RPS23: variants seen among roughly 807,000 people sequenced by gnomAD.
RPS23 encodes ribosomal protein S23.
For synonymous variants in RPS23, 66 were observed against 60.4 expected, an observed-to-expected ratio of 1.09 and a Z score of -0.43; for missense variants, 73 against 174.5, an observed-to-expected ratio of 0.42 and a Z score of 3.28.
In RPS23 at chr5:82,278,325, C is replaced by T; in HGVS notation, c.-2G>A. The T allele has an allele frequency of 1.2e-6, 2 of 1,610,336 alleles. No individual in the cohort carries two copies. The highest frequency in any genetic ancestry group is 1.7e-6 in the Non-Finnish European group (2 of 1,178,590). ...AACCGGCCACAACAGCTCACCCATC[C>T]TGTCGGCGCCACGGGCCTGAGCGAA... On this transcript the variant is annotated 5_prime_UTR_variant, in exon 1 of 4. Transcript: ENST00000296674.
Position 82,278,341 on chromosome 5 carries a change from C to A in RPS23, c.-18G>T. 1.2e-6 allele frequency: 2 copies of A among 1,608,142 alleles called. No individual in the cohort carries two copies. Among genetic ancestry groups the A allele is most frequent in the East Asian group, 2.2e-5 (1 of 44,536 alleles). ...TCACCCATCCTGTCGGCGCCACGGGCCTGAGCGAAAGAGAGAAGCACCGCA... is the reference window on the plus strand; with the variant it reads ...TCACCCATCCTGTCGGCGCCACGGGACTGAGCGAAAGAGAGAAGCACCGCA... On this transcript the variant is annotated 5_prime_UTR_variant, in exon 1 of 4. Coordinates refer to ENST00000296674, the MANE Select transcript of RPS23 (RefSeq NM_001025.5).
Position 82,275,377 on chromosome 5 carries a change from T to C in RPS23, c.*732A>G. The C allele has an allele frequency of 2.9e-6, 2 of 700,532 alleles. No homozygotes were observed. The highest frequency in any genetic ancestry group is 5.2e-6 in the Non-Finnish European group (2 of 384,012). 43.4% of individuals were successfully genotyped at this position (700,532 alleles called of 1,614,324 possible). A position where few individuals can be genotyped will look rare whatever the true frequency, so the allele number is the denominator to read the frequency against. On this transcript the variant is annotated 3_prime_UTR_variant, in exon 4 of 4. Coordinates refer to ENST00000296674, the MANE Select transcript of RPS23 (RefSeq NM_001025.5). ...TTATCAAAACACAACCAATCTTGTC[T>C]CTACACTAAACCACTTCATTTGCTG...
At position 82,275,181 on chromosome 5, in the gene RPS23, A is replaced by T. The variant is rs1016959196; in HGVS notation, c.*928T>A. On this transcript the variant is annotated 3_prime_UTR_variant, in exon 4 of 4. Transcript: ENST00000296674. ...CTAAACAATGTAAAGCTAGGCTTTG[A>T]TCAAAGGGCTAATTAACCCATACTT... 2 of 701,538 alleles carry T rather than the reference A, an allele frequency of 2.9e-6. No homozygotes were observed. The highest frequency in any genetic ancestry group is 1.7e-5 in the African/African-American group (1 of 57,212). 43.5% of individuals were successfully genotyped at this position (701,538 alleles called of 1,614,324 possible). A position where few individuals can be genotyped will look rare whatever the true frequency, so the allele number is the denominator to read the frequency against.
At chr5:82,276,563 A>G in intron 2 of RPS23, 45 bp from the exon 3 acceptor site, 1 of 1,608,772 alleles carries the variant, frequency 6.2e-7, no homozygotes, top group Non-Finnish European at 8.5e-7. Context: ...TTTCTGAAAA[A>G]GATTATCTTT....
intron 2 of RPS23, 112 bp downstream of exon 2, chr5:82,277,581 C>T (rs1747916341): frequency 9.2e-7 from 1 of 1,088,766 alleles, no homozygotes; most frequent in Non-Finnish European, 1.4e-6. Flanking sequence ...CCACAATGCC[C>T]AAATGAATAC....
chr5:82,276,087 A>G lies in RPS23; in HGVS notation c.*22T>C, dbSNP rs1747767700. The G allele has an allele frequency of 1.3e-6, 2 of 1,596,010 alleles. No individual in the cohort carries two copies. Among genetic ancestry groups the G allele is most frequent in the East Asian group, 2.2e-5 (1 of 44,782 alleles). ...TTTTGGCATATGAAAATTTATTACT[A>G]CAGTGTTTTCACCATTAATATTTAT... On this transcript the variant is annotated 3_prime_UTR_variant, in exon 4 of 4. Coordinates refer to ENST00000296674, the MANE Select transcript of RPS23 (RefSeq NM_001025.5).
chr5:82,276,662 T>C, intron 2 of RPS23, 144 bp from the exon 3 acceptor site: 7 of 961,636 alleles, frequency 7.3e-6, no homozygotes, highest in East Asian at 2.6e-5. Context: ...GATGTCAACC[T>C]AGTTTTCTGC....
At position 82,273,804 on chromosome 5, in the gene RPS23, C is replaced by A. The variant is rs755480979; in HGVS notation, c.*2305G>T. On this transcript the variant is annotated 3_prime_UTR_variant, in exon 4 of 4. Coordinates refer to ENST00000296674, the MANE Select transcript of RPS23 (RefSeq NM_001025.5). ...ACTCCTGGCCTCAAGCTATTAATTT[C>A]TTCCCAACTCAGCCTCCCAAAGTGC... 6.6e-6 allele frequency: 1 copy of A among 152,206 alleles called. No homozygotes were observed. Among genetic ancestry groups the A allele is most frequent in the Admixed American group, 6.5e-5 (1 of 15,282 alleles). The allele number at this position is 152,206 out of a possible 1,614,324, so 9.4% of individuals were successfully genotyped here. A position where few individuals can be genotyped will look rare whatever the true frequency, so the allele number is the denominator to read the frequency against.
Position 82,275,167 on chromosome 5 carries a change from A to T in RPS23, c.*942T>A. On this transcript the variant is annotated 3_prime_UTR_variant, in exon 4 of 4. Transcript: ENST00000296674. ...GTTTTCCAAAGATCCTAAACAATGT[A>T]AAGCTAGGCTTTGATCAAAGGGCTA... is the stretch of plus-strand genomic sequence containing the variant. 4.3e-6 allele frequency: 3 copies of T among 699,174 alleles called. No individual in the cohort carries two copies. The highest frequency in any genetic ancestry group is 5.4e-5 in the East Asian group (2 of 37,232). The allele number at this position is 699,174 out of a possible 1,614,324, so 43.3% of individuals were successfully genotyped here.
In RPS23 at chr5:82,275,540, AACACATTAATGTAG is replaced by A; in HGVS notation, c.*555_*568del. 1.8e-6 allele frequency: 1 copy of A among 569,552 alleles called. No individual in the cohort carries two copies. Among genetic ancestry groups the A allele is most frequent in the Admixed American group, 3.1e-5 (1 of 32,684 alleles). The allele number at this position is 569,552 out of a possible 1,614,324, so 35.3% of individuals were successfully genotyped here. A position where few individuals can be genotyped will look rare whatever the true frequency, so the allele number is the denominator to read the frequency against. On this transcript the variant is annotated 3_prime_UTR_variant, in exon 4 of 4. Coordinates refer to ENST00000296674, the MANE Select transcript of RPS23 (RefSeq NM_001025.5). Reference sequence around the variant, plus strand: ...ATGATCCAATGCCTGTATTCTCCTAAACACATTAATGTAGACACATTACAACACAGATCCTGACA... The same window carrying A: ...ATGATCCAATGCCTGTATTCTCCTAAACACATTACAACACAGATCCTGACA...
chr5:82,277,149 C>T (rs1212514174), intron 2 of RPS23, among the ~76,000 whole-genome samples: 1 of 131,856 alleles, frequency 7.6e-6, no homozygotes, highest in African/African-American at 2.9e-5. Flanking sequence ...CTACTGCACA[C>T]CAGCCTGGGT....
rs1343018668 is a variant in RPS23 at position 82,277,686 on chromosome 5, G to A, written c.164+7C>T. 6.2e-7 allele frequency: 1 copy of A among 1,613,496 alleles called. No individual in the cohort carries two copies. Among genetic ancestry groups the A allele is most frequent in the Non-Finnish European group, 8.5e-7 (1 of 1,179,676 alleles). On this transcript the variant is annotated splice_region_variant and intron_variant, in intron 2 of 3. Coordinates refer to ENST00000296674, the MANE Select transcript of RPS23 (RefSeq NM_001025.5). ...AAACTAAAACTTGACGGGAGCAATGGACTTACACTTTTTCCAGCACGATTC... is the reference window on the plus strand; with the variant it reads ...AAACTAAAACTTGACGGGAGCAATGAACTTACACTTTTTCCAGCACGATTC...
At chr5:82,278,223 A>G in intron 1 of RPS23, 97 bp downstream of exon 1, 2 of 895,154 alleles carry the variant, frequency 2.2e-6, no homozygotes, top group East Asian at 6.9e-5. Flanking sequence ...GAGCCTCTCC[A>G]TGGCATCCCC....
At position 82,274,876 on chromosome 5, in the gene RPS23, T is replaced by A. The variant is rs1405879062; in HGVS notation, c.*1233A>T. ...ATCATCATCAAGAGATAAACCGAAG[T>A]GTGCTGGAAAACACACGAGCTCTTT... is the stretch of plus-strand genomic sequence containing the variant. On this transcript the variant is annotated 3_prime_UTR_variant, in exon 4 of 4. Transcript: ENST00000296674. 7.9e-6 allele frequency: 2 copies of A among 253,340 alleles called. No individual in the cohort carries two copies. Among genetic ancestry groups the A allele is most frequent in the African/African-American group, 4.4e-5 (2 of 45,112 alleles). 15.7% of individuals were successfully genotyped at this position (253,340 alleles called of 1,614,324 possible). A position where few individuals can be genotyped will look rare whatever the true frequency, so the allele number is the denominator to read the frequency against.
In RPS23 at chr5:82,276,458, G is replaced by C; in HGVS notation, c.225C>G (p.Ile75Met). 6.2e-7 allele frequency: 1 copy of C among 1,613,942 alleles called. No individual in the cohort carries two copies. The highest frequency in any genetic ancestry group is 8.5e-7 in the Non-Finnish European group (1 of 1,179,868). Reference sequence around the variant, plus strand: ...AGGCTGTGATTTTCTTGCCATTCTTGATCAGCTGGACCCTTACACACTTCC... The same window carrying C: ...AGGCTGTGATTTTCTTGCCATTCTTCATCAGCTGGACCCTTACACACTTCC... ...AIRKCVRVQL[I>M]KNGKKITAFV... Residue 75 changes from isoleucine to methionine, a missense_variant, in exon 3 of 4, where the codon ATC (isoleucine) becomes ATG (methionine). Physicochemically the swap from Ile to Met is conservative, Grantham distance 10. Transcript: ENST00000296674.
chr5:82,275,208 CTATT>C lies in RPS23; in HGVS notation c.*897_*900del. Reference sequence around the variant, plus strand: ...CAAAGGGCTAATTAACCCATACTTACTATTTGTTAACAGGAGTTTCTTACATCAG... The same window carrying C: ...CAAAGGGCTAATTAACCCATACTTACTGTTAACAGGAGTTTCTTACATCAG... On this transcript the variant is annotated 3_prime_UTR_variant, in exon 4 of 4. Transcript: ENST00000296674. 1.4e-6 allele frequency: 1 copy of C among 702,560 alleles called. No homozygotes were observed. The highest frequency in any genetic ancestry group is 2.6e-6 in the Non-Finnish European group (1 of 384,988). The allele number at this position is 702,560 out of a possible 1,614,324, so 43.5% of individuals were successfully genotyped here. A position where few individuals can be genotyped will look rare whatever the true frequency, so the allele number is the denominator to read the frequency against.
chr5:82,273,811 A>G lies in RPS23; in HGVS notation c.*2298T>C, dbSNP rs187741890. The G allele has an allele frequency of 3.3e-5, 5 of 152,166 alleles. No homozygotes were observed. Among genetic ancestry groups the G allele is most frequent in the Admixed American group, 1.3e-4 (2 of 15,282 alleles). 9.4% of individuals were successfully genotyped at this position (152,166 alleles called of 1,614,324 possible). ...GCCTCAAGCTATTAATTTCTTCCCA[A>G]CTCAGCCTCCCAAAGTGCTGGGATT... On this transcript the variant is annotated 3_prime_UTR_variant, in exon 4 of 4. Transcript: ENST00000296674.
At chr5:82,278,221 C>A (rs1748002918) in intron 1 of RPS23, 99 bp downstream of exon 1, 2 of 1,138,952 alleles carry the variant, frequency 1.8e-6, no homozygotes, top group South Asian at 1.3e-5. Context: ...TGGAGCCTCT[C>A]CATGGCATCC....
chr5:82,276,799 C>T (rs537293062), intron 2 of RPS23: 2 of 364,438 alleles, frequency 5.5e-6, no homozygotes, highest in East Asian at 8.6e-5. Flanking sequence ...AGGATCTATG[C>T]CTAGAACGTC....
Sources: allele counts gnomAD v4.1 joint callset (sites outside exome capture counted in the v4.1 genomes callset), GRCh38; gene constraint gnomAD v4.1.1; transcripts MANE v1.5; gene names NCBI Gene and HGNC (gene_info 2026-07-23, HGNC 2026-07-21).